The following CADM2 variants were observed in gnomAD, a reference collection of about 807,000 sequenced individuals.
CADM2 encodes immunoglobulin superfamily member 4D.
A neutral mutation model predicts 49.8 loss-of-function variants in CADM2; 12 were observed. The observed-to-expected ratio is 0.24, with a 90% CI of 0.15 to 0.39. The LOEUF is 0.39. Among genes scored for constraint, CADM2 ranks in the 10% least tolerant of loss-of-function variants. The probability of loss-of-function intolerance (pLI) is 1.00; values close to 1 mark genes in which losing one functional copy is unlikely to be tolerated. For missense variants in CADM2, 378 were observed against 492.3 expected (o/e 0.77, Z 2.20); for synonymous variants, 214 against 175.4 (o/e 1.22, Z -1.74).
At chr3:85,688,048 C>T (rs2066267809) in intron 1 of CADM2, among the ~76,000 whole-genome samples, 1 of 152,124 alleles carries the variant, frequency 6.6e-6, no homozygotes, top group South Asian at 2.1e-4. Flanking sequence ...TATCCTGAAA[C>T]CATCACCCCC....
intron 1 of CADM2, among the ~76,000 whole-genome samples, chr3:85,679,938 A>T (rs1196203306): frequency 1.3e-5 from 2 of 152,170 alleles, no homozygotes; most frequent in East Asian, 3.9e-4. Context: ...AATTCAGATG[A>T]TTTATAACAC....
At chr3:85,454,396 C>T (rs548099256) in intron 1 of CADM2, among the ~76,000 whole-genome samples, 1 of 151,914 alleles carries the variant, frequency 6.6e-6, no homozygotes, top group Non-Finnish European at 1.5e-5. Flanking sequence ...CAGAATCCCA[C>T]CAAGCAAGCA....
At chr3:85,295,930 A>G (rs1053752050) in intron 1 of CADM2, among the ~76,000 whole-genome samples, 1 of 152,022 alleles carries the variant, frequency 6.6e-6, no homozygotes, top group African/African-American at 2.4e-5. Context: ...AGTATAATAA[A>G]AAAAAGAAAA....
chr3:85,081,456 G>T (rs2037162108), intron 1 of CADM2, among the ~76,000 whole-genome samples: 4 of 152,074 alleles, frequency 2.6e-5, no homozygotes, highest in East Asian at 1.9e-4. Flanking sequence ...AACACTCCTT[G>T]TTTATACCAA....
At chr3:85,098,974 C>A (rs957173388) in intron 1 of CADM2, among the ~76,000 whole-genome samples, 4 of 152,150 alleles carry the variant, frequency 2.6e-5, no homozygotes, top group African/African-American at 9.7e-5. Flanking sequence ...TCATTTTATA[C>A]CCATAACCCA....
chr3:85,387,682 G>T (rs2034306635), intron 1 of CADM2, among the ~76,000 whole-genome samples: 3 of 152,022 alleles, frequency 2.0e-5, no homozygotes, highest in Admixed American at 2.0e-4. Context: ...TTTAATATTT[G>T]CATAGATTTG....
At chr3:85,147,977 A>G (rs1374141112) in intron 1 of CADM2, among the ~76,000 whole-genome samples, 2 of 152,220 alleles carry the variant, frequency 1.3e-5, no homozygotes, top group African/African-American at 4.8e-5. Context: ...TTAGAAATAT[A>G]TAATCACACC....
intron 1 of CADM2, among the ~76,000 whole-genome samples, chr3:85,076,581 A>G (rs986261482): frequency 1.3e-5 from 2 of 151,806 alleles, no homozygotes; most frequent in East Asian, 2.0e-4. Context: ...TCCTGACCTC[A>G]GGTGATCTGC....
chr3:85,158,384 A>G (rs1576007809), intron 1 of CADM2, among the ~76,000 whole-genome samples: 4 of 152,332 alleles, frequency 2.6e-5, no homozygotes, highest in Admixed American at 2.6e-4. Flanking sequence ...GTAAAGACAC[A>G]TCCACACGTA....
At chr3:85,135,946 G>A (rs890823267) in intron 1 of CADM2, among the ~76,000 whole-genome samples, 3 of 151,978 alleles carry the variant, frequency 2.0e-5, no homozygotes, top group African/African-American at 7.2e-5. Context: ...ATCAAGTAAA[G>A]AGTAGAGACC....
chr3:85,183,719 A>C (rs2040989049), intron 1 of CADM2, among the ~76,000 whole-genome samples: 1 of 152,174 alleles, frequency 6.6e-6, no homozygotes, highest in Non-Finnish European at 1.5e-5. Context: ...CTGACCTATG[A>C]AGTATTAATA....
rs2030191248 is a variant in CADM2, at chr3:84,959,134, C to T, written c.-474C>T. 5.2e-6 allele frequency: 1 copy of T among 191,438 alleles called. No individual in the cohort carries two copies. Among genetic ancestry groups the T allele is most frequent in the African/African-American group, 2.4e-5 (1 of 41,852 alleles). The allele number at this position is 191,438 out of a possible 1,614,324, so 11.9% of individuals were successfully genotyped here. A position where few individuals can be genotyped will look rare whatever the true frequency, so the allele number is the denominator to read the frequency against. On this transcript the variant is annotated 5_prime_UTR_variant, in exon 1 of 10. Transcript: ENST00000383699. ...GCTTCTACCTCCCCTCCCAGGACCC[C>T]GAGACACCCCGGGCGCGAGCGGCAG...
rs199574402 is a variant in CADM2 at position 85,325,320 on chromosome 3, GTTTC to G, written c.61+365662_61+365665del. Among the ~76,000 whole-genome samples the G allele has an allele frequency of 3.9e-3, 587 of 152,280 alleles. 7 individuals carry two copies. In the East Asian group the frequency reaches 0.042, roughly 11 times the overall value. On this transcript the variant is annotated intron_variant, in intron 1 of 9. Transcript: ENST00000383699. ...TGTAATACATATTCAGTGGAAATTA[GTTTC>G]TTTCTTTCTATTTGTTGAGATATCT...
At chr3:85,735,408 A>G (rs2107807737) in intron 2 of CADM2, among the ~76,000 whole-genome samples, 1 of 152,316 alleles carries the variant, frequency 6.6e-6, no homozygotes, top group Non-Finnish European at 1.5e-5. Flanking sequence ...ATAGAAAAGC[A>G]TGAGCCTGGG....
intron 8 of CADM2, among the ~76,000 whole-genome samples, chr3:86,029,513 G>A (rs1459710112): frequency 1.3e-5 from 2 of 151,934 alleles, no homozygotes; most frequent in Non-Finnish European, 2.9e-5. Flanking sequence ...AACAGGATTT[G>A]GGACTCCATA....
intron 1 of CADM2, among the ~76,000 whole-genome samples, chr3:85,387,560 A>G (rs1242727624): frequency 5.3e-5 from 8 of 152,104 alleles, no homozygotes; most frequent in Admixed American, 5.2e-4. Flanking sequence ...AAAACACTGA[A>G]CTCTTGTATA....
At chr3:85,740,531 G>T (rs184686031) in intron 2 of CADM2, among the ~76,000 whole-genome samples, 4 of 151,914 alleles carry the variant, frequency 2.6e-5, no homozygotes, top group East Asian at 1.9e-4. Flanking sequence ...TATTTGCACC[G>T]TCTGTCTTGT....
At chr3:85,722,178 G>T (rs1170897726) in intron 1 of CADM2, among the ~76,000 whole-genome samples, 1 of 151,714 alleles carries the variant, frequency 6.6e-6, no homozygotes, top group African/African-American at 2.4e-5. Flanking sequence ...ACTCCTAGCA[G>T]AGAGGAGACC....
chr3:85,803,696 C>T (rs2072216560), intron 3 of CADM2, among the ~76,000 whole-genome samples: 2 of 152,050 alleles, frequency 1.3e-5, no homozygotes, highest in Admixed American at 1.3e-4. Context: ...CCTTAGGGTA[C>T]TTAGAGGACT....
Sources: allele counts gnomAD v4.1 joint callset (sites outside exome capture counted in the v4.1 genomes callset), GRCh38; gene constraint gnomAD v4.1.1; transcripts MANE v1.5; gene names NCBI Gene and HGNC (gene_info 2026-07-23, HGNC 2026-07-21).